Variants in AGBL1 observed in about 807,000 individuals in gnomAD.
The protein encoded by AGBL1 is AGBL carboxypeptidase 1.
In AGBL1, 130 loss-of-function variants were observed where a neutral mutation model predicts 118.9. The observed-to-expected ratio is 1.09, with a 90% CI of 0.95 to 1.26. AGBL1 has a LOEUF of 1.26. AGBL1 is among the 50% of genes most tolerant of loss of function. The pLI, the probability that AGBL1 is intolerant of heterozygous loss-of-function variation, is 0.00. For missense variants in AGBL1, 1,584 were observed against 1,298.1 expected (o/e 1.22, Z -3.38); for synonymous variants, 555 against 478.9 (o/e 1.16, Z -2.08).
intron 17 of AGBL1, among the ~76,000 whole-genome samples, chr15:86,308,741 G>A (rs1304270191): frequency 1.3e-5 from 2 of 152,148 alleles, no homozygotes; most frequent in African/African-American, 4.8e-5. Context: ...CATATGCATG[G>A]ATTTATTTCT....
chr15:86,984,285 G>A (rs943519226), intron 23 of AGBL1, among the ~76,000 whole-genome samples: 2 of 151,386 alleles, frequency 1.3e-5, no homozygotes, highest in South Asian at 2.1e-4. Context: ...TTGATCATTC[G>A]TAGATCTTCT....
rs142520419 is a variant in AGBL1 at position 86,138,673 on chromosome 15, C to A, written c.52-3331C>A. Among the ~76,000 whole-genome samples, 100 of 152,232 alleles carry A rather than the reference C, an allele frequency of 6.6e-4. 1 individual carries two copies. In the East Asian group the frequency reaches 0.019, roughly 29 times the overall value. On this transcript the variant is annotated intron_variant, in intron 1 of 22. Coordinates refer to ENST00000614907, the MANE Select transcript of AGBL1 (RefSeq NM_001386094.1). ...TTTTACCTTATTAGTTTTCTTCTTT[C>A]CCTTTTCTCCTTCCTCTTTTTCTCA...
chr15:86,270,139 A>C, intron 14 of AGBL1, 72 bp downstream of exon 14: 6 of 1,528,004 alleles, frequency 3.9e-6, no homozygotes, highest in Non-Finnish European at 5.3e-6. Context: ...TTTGGATTCA[A>C]AGAGCCTTTG....
At chr15:86,581,597 C>T (rs796135664) in intron 21 of AGBL1, among the ~76,000 whole-genome samples, 8 of 152,272 alleles carry the variant, frequency 5.3e-5, no homozygotes, top group African/African-American at 1.9e-4. Context: ...TGCCAGTTTC[C>T]ATAACAAATC....
rs548930984 is a variant in AGBL1, at chr15:86,111,602, G to C, written c.52-30402G>C. 2.6e-5 allele frequency among the ~76,000 whole-genome samples: 4 copies of C among 152,334 alleles called. No individual in the cohort carries two copies. The South Asian group carries it at 8.3e-4, about 32-fold the overall frequency. ...TGGGATAGAGGTATTTGGAAAAGAAGTGACAATTTGAATTACATTTTGAAG... is the reference window on the plus strand; with the variant it reads ...TGGGATAGAGGTATTTGGAAAAGAACTGACAATTTGAATTACATTTTGAAG... On this transcript the variant is annotated intron_variant, in intron 1 of 22. Transcript: ENST00000614907.
At chr15:86,828,839 C>G (rs1303675027) in intron 22 of AGBL1, among the ~76,000 whole-genome samples, 1 of 151,150 alleles carries the variant, frequency 6.6e-6, no homozygotes, top group Non-Finnish European at 1.5e-5. Context: ...TACTCACTGC[C>G]TGCACCAAGG....
intron 5 of AGBL1, among the ~76,000 whole-genome samples, chr15:86,203,327 A>T (rs1226197321): frequency 6.6e-6 from 1 of 152,212 alleles, no homozygotes; most frequent in Non-Finnish European, 1.5e-5. Flanking sequence ...GATAGTCACA[A>T]ATGTGCTACC....
chr15:86,874,714 G>T (rs2079781597), intron 22 of AGBL1, among the ~76,000 whole-genome samples: 1 of 152,160 alleles, frequency 6.6e-6, no homozygotes, highest in South Asian at 2.1e-4. Context: ...CTTTAGAACA[G>T]AATTTCTCAA....
intron 19 of AGBL1, among the ~76,000 whole-genome samples, chr15:86,543,521 G>A (rs1432999939): frequency 6.6e-6 from 1 of 152,150 alleles, no homozygotes; most frequent in African/African-American, 2.4e-5. Context: ...AGACCAAAAT[G>A]ATCTTTGGAC....
At chr15:86,739,358 G>A (rs575150172) in intron 22 of AGBL1, among the ~76,000 whole-genome samples, 3 of 145,090 alleles carry the variant, frequency 2.1e-5, no homozygotes, top group Admixed American at 7.4e-5. Context: ...CAGGAGAATC[G>A]CTTGAACCCA....
chr15:86,470,409 T>C (rs2142100910), intron 18 of AGBL1, among the ~76,000 whole-genome samples: 1 of 152,298 alleles, frequency 6.6e-6, no homozygotes, highest in Admixed American at 6.5e-5. Flanking sequence ...AGATCTCTAT[T>C]GTGTTTCATT....
intron 22 of AGBL1, among the ~76,000 whole-genome samples, chr15:86,879,813 C>T (rs1451584181): frequency 6.6e-6 from 1 of 152,078 alleles, no homozygotes; most frequent in African/African-American, 2.4e-5. Context: ...GGCTTCGTGC[C>T]AGGGCTCTGG....
intron 15 of AGBL1, among the ~76,000 whole-genome samples, chr15:86,278,734 T>A (rs2079299705): frequency 6.6e-6 from 1 of 152,198 alleles, no homozygotes; most frequent in Non-Finnish European, 1.5e-5. Flanking sequence ...GTATTTTGCA[T>A]TATAATGCAG....
intron 5 of AGBL1, among the ~76,000 whole-genome samples, chr15:86,181,984 G>T (rs2077558915): frequency 6.6e-6 from 1 of 151,918 alleles, no homozygotes; most frequent in South Asian, 2.1e-4. Context: ...AAGGAATTGA[G>T]GGGAGTTTTG....
chr15:86,532,137 G>A (rs1259101671), intron 19 of AGBL1, among the ~76,000 whole-genome samples: 1 of 150,228 alleles, frequency 6.7e-6, no homozygotes, highest in South Asian at 2.1e-4. Flanking sequence ...AGGAAATAAG[G>A]GGTATTCAAT....
chr15:86,813,241 G>A (rs972596206), intron 22 of AGBL1, among the ~76,000 whole-genome samples: 1 of 152,026 alleles, frequency 6.6e-6, no homozygotes, highest in Non-Finnish European at 1.5e-5. Context: ...GAGGTTAGTA[G>A]GGGTCAGTCC....
At chr15:86,476,574 C>G (rs1297415163) in intron 18 of AGBL1, among the ~76,000 whole-genome samples, 1 of 152,184 alleles carries the variant, frequency 6.6e-6, no homozygotes, top group Admixed American at 6.5e-5. Flanking sequence ...CACCCAGATT[C>G]ATAAAGCAAG....
intron 5 of AGBL1, among the ~76,000 whole-genome samples, chr15:86,223,715 C>T (rs1050355923): frequency 6.6e-6 from 1 of 152,174 alleles, no homozygotes; most frequent in African/African-American, 2.4e-5. Context: ...TGCACAGGGG[C>T]CTGTGAATTT....
intron 15 of AGBL1, 68 bp downstream of exon 15, chr15:86,271,774 A>T: frequency 7.1e-7 from 1 of 1,412,376 alleles, no homozygotes; most frequent in Non-Finnish European, 1.0e-6. Flanking sequence ...CCACTTTTCC[A>T]TATTGATCTT....
Sources: gnomAD v4.1 joint callset for allele counts (sites outside exome capture counted in the v4.1 genomes callset) on GRCh38, gnomAD v4.1.1 for gene constraint, MANE v1.5 for transcripts, NCBI Gene and HGNC (gene_info 2026-07-23, HGNC 2026-07-21) for gene names.